The following NOX3 variants were observed in gnomAD, a reference collection of about 807,000 sequenced individuals.
NOX3 encodes NADPH oxidase catalytic subunit-like 3.
Under a neutral mutation model 76.7 loss-of-function variants are expected in NOX3, and 74 were observed. That is an observed-to-expected ratio of 0.96 (90% CI 0.80 to 1.17). NOX3 has a LOEUF of 1.17. Among genes scored for constraint, NOX3 ranks in the 50% most tolerant of loss-of-function variants. The pLI, the probability that NOX3 is intolerant of heterozygous loss-of-function variation, is 0.00. For synonymous variants in NOX3, 263 were observed against 261.1 expected (o/e 1.01, Z -0.07); for missense variants, 695 against 703.3 (o/e 0.99, Z 0.13).
chr6:155,411,114 T>C (rs1303497025), intron 11 of NOX3, 100 bp downstream of exon 11: 2 of 864,150 alleles, frequency 2.3e-6, no homozygotes, highest in Non-Finnish European at 3.4e-6. Context: ...AATAATTCTG[T>C]CATGCTATCA....
At chr6:155,416,408 A>G (rs55685836) in intron 10 of NOX3, among the ~76,000 whole-genome samples, 8,134 of 152,286 alleles carry the variant, frequency 0.053, 666 homozygotes, top group African/African-American at 0.17. Context: ...GTTTTTGTTA[A>G]GGGAATCCTG....
intron 12 of NOX3, among the ~76,000 whole-genome samples, chr6:155,405,710 T>C (rs1251054592): frequency 6.6e-6 from 1 of 152,156 alleles, no homozygotes; most frequent in Non-Finnish European, 1.5e-5. Flanking sequence ...ATCCCATCCA[T>C]AGTCAATTCA....
chr6:155,438,975 G>A (rs1776946349), intron 6 of NOX3, among the ~76,000 whole-genome samples: 2 of 152,224 alleles, frequency 1.3e-5, no homozygotes, highest in Admixed American at 6.5e-5. Flanking sequence ...TTGTTCTTCA[G>A]GGGCTTGCAA....
chr6:155,445,687 G>A (rs961169080), intron 4 of NOX3, among the ~76,000 whole-genome samples: 12 of 151,668 alleles, frequency 7.9e-5, no homozygotes. Context: ...CACCCCTGAT[G>A]AACTTTGACT....
intron 12 of NOX3, among the ~76,000 whole-genome samples, chr6:155,400,216 A>G (rs1779204663): frequency 6.6e-6 from 1 of 152,192 alleles, no homozygotes; most frequent in South Asian, 2.1e-4. Context: ...AGCCCAGCAG[A>G]TATATGGGCG....
chr6:155,439,560 G>A (rs920398789), intron 6 of NOX3, among the ~76,000 whole-genome samples: 2 of 152,118 alleles, frequency 1.3e-5, no homozygotes, highest in African/African-American at 4.8e-5. Context: ...CCCGAACAGT[G>A]GGTTTCCTAG....
At chr6:155,405,246 G>T (rs1776429764) in intron 12 of NOX3, among the ~76,000 whole-genome samples, 1 of 152,116 alleles carries the variant, frequency 6.6e-6, no homozygotes, top group Non-Finnish European at 1.5e-5. Context: ...GGGCTTTAAT[G>T]TACTCTTACT....
At chr6:155,432,004 G>A (rs1217192794) in intron 7 of NOX3, among the ~76,000 whole-genome samples, 4 of 152,082 alleles carry the variant, frequency 2.6e-5, no homozygotes, top group Non-Finnish European at 4.4e-5. Flanking sequence ...TGAACTCATT[G>A]AATTTTAGGA....
chr6:155,409,651 T>A (rs1010760875), intron 11 of NOX3, among the ~76,000 whole-genome samples: 2 of 152,186 alleles, frequency 1.3e-5, no homozygotes, highest in Admixed American at 1.3e-4. Flanking sequence ...AATTGGGTAT[T>A]TCTAAAACAG....
In NOX3 at chr6:155,429,026, C is replaced by G. The variant is rs1454983115; in HGVS notation, c.913G>C (p.Val305Leu). 6.2e-7 allele frequency: 1 copy of G among 1,603,428 alleles called. No homozygotes were observed. Among genetic ancestry groups the G allele is most frequent in the East Asian group, 2.2e-5 (1 of 44,480 alleles). ...ITKVVSHPSG[V>L]LELHMKKRGF... ...CGCTTTTTCATGTGAAGTTCCAGGA[C>G]TCCAGAGGGGTGGCTTACCACCTAT... Residue 305 changes from valine (V) to leucine (L), a missense_variant, in exon 9 of 14, where the codon GTC becomes CTC. Transcript: ENST00000159060.
intron 10 of NOX3, among the ~76,000 whole-genome samples, chr6:155,414,619 C>CTTCCTTTTTTTTTTTTTTTTT (rs1562461004): frequency 8.4e-6 from 1 of 119,430 alleles, no homozygotes; most frequent in African/African-American, 3.5e-5. Flanking sequence ...CTTTTCTTTT[C>CTTCCTTTTTTTTTTTTTTTTT]TTTCTTTTTT....
chr6:155,438,204 G>T (rs896647113), intron 6 of NOX3, among the ~76,000 whole-genome samples: 1 of 152,074 alleles, frequency 6.6e-6, no homozygotes. Flanking sequence ...CAACCCCGGC[G>T]TCGGGGGCAG....
chr6:155,411,301 T>C lies in NOX3; in HGVS notation c.1368A>G (p.Leu456=), dbSNP rs372665209. Residue 456 remains leucine, a synonymous_variant, in exon 11 of 14, where the codon TTA becomes TTG. Coordinates refer to ENST00000159060, the MANE Select transcript of NOX3 (RefSeq NM_015718.3). ...CACTCATCCGTGTTTCCAGGGAGAG[T>C]AAGAGATCAGCAAACCACTCAAAAG... ...ARAFEWFADL[L]LSLETRMSEQ... The C allele has an allele frequency of 2.5e-6, 4 of 1,613,702 alleles. No homozygotes were observed. In the African/African-American group the frequency reaches 5.3e-5, roughly 22 times the overall value.
chr6:155,439,928 C>G (rs1582944095), intron 6 of NOX3, 28 bp downstream of exon 6: 1 of 1,580,442 alleles, frequency 6.3e-7, no homozygotes, highest in Non-Finnish European at 8.6e-7. Context: ...AGATAAAATC[C>G]TTGCAGAGGA....
At chr6:155,404,072 A>G (rs999297127) in intron 12 of NOX3, among the ~76,000 whole-genome samples, 8 of 151,920 alleles carry the variant, frequency 5.3e-5, no homozygotes, top group Non-Finnish European at 8.8e-5. Context: ...CATTTATTCC[A>G]TGATGACTGA....
intron 9 of NOX3, among the ~76,000 whole-genome samples, chr6:155,424,281 C>G (rs529601319): frequency 6.6e-6 from 1 of 152,110 alleles, no homozygotes. Flanking sequence ...GCTGTGAGGT[C>G]TAGGAAAGTA....
chr6:155,411,597 G>A (rs536075495), intron 10 of NOX3, among the ~76,000 whole-genome samples: 25 of 152,304 alleles, frequency 1.6e-4, no homozygotes, highest in Admixed American at 1.0e-3. Flanking sequence ...CCTGTGGGCC[G>A]TGCCAGTTTC....
At chr6:155,427,026 T>TGTGTGTGC (rs1776766171) in intron 9 of NOX3, among the ~76,000 whole-genome samples, 1 of 127,488 alleles carries the variant, frequency 7.8e-6, no homozygotes, top group Non-Finnish European at 1.6e-5. Flanking sequence ...TGTGTGTGTG[T>TGTGTGTGC]GTGCTGGGGG....
At chr6:155,431,413 AACACACACACAC>A (rs61041630) in intron 7 of NOX3, among the ~76,000 whole-genome samples, 4 of 144,642 alleles carry the variant, frequency 2.8e-5, no homozygotes, top group Non-Finnish European at 4.5e-5. Context: ...TAAACACAGA[AACACACACACAC>A]ACACACACAC....
Sources: gnomAD v4.1 joint callset for allele counts (sites outside exome capture counted in the v4.1 genomes callset) on GRCh38, gnomAD v4.1.1 for gene constraint, MANE v1.5 for transcripts, NCBI Gene and HGNC (gene_info 2026-07-23, HGNC 2026-07-21) for gene names.